The following TRPC5 variants were observed in gnomAD, a reference collection of about 807,000 sequenced individuals.
TRPC5 encodes transient receptor potential cation channel subfamily C member 5, also known as short transient receptor potential channel 5.
A neutral mutation model predicts 56.5 loss-of-function variants in TRPC5; 9 were observed. That is an observed-to-expected ratio of 0.16 (90% CI 0.10 to 0.28). TRPC5 has a LOEUF of 0.28. Ranked by LOEUF, TRPC5 falls within the 10% of genes least tolerant of loss-of-function variation. TRPC5 has a pLI of 1.00. For synonymous variants in TRPC5, 282 were observed against 278.5 expected (o/e 1.01, Z -0.13); for missense variants, 469 against 748.9 (o/e 0.63, Z 4.36).
At chrX:112,073,034 C>T (rs973700178) in intron 1 of TRPC5, among the ~76,000 whole-genome samples, 28 of 111,582 alleles carry the variant, frequency 2.5e-4, no homozygotes, top group Non-Finnish European at 4.7e-4. Flanking sequence ...ATATTTCATA[C>T]TTTATAATGC....
rs1366514662 is a variant in TRPC5, at chrX:112,062,204, G to C, written c.-22+19675C>G. Among the ~76,000 whole-genome samples the C allele has an allele frequency of 2.7e-5, 3 of 111,752 alleles. No homozygotes were observed. In the Admixed American group the frequency reaches 2.9e-4, roughly 11 times the overall value. ...CAGGATTTCTGACTGGAAATATGCTGTTATAAAAATAATTAAAATACATTT... is the reference window on the plus strand; with the variant it reads ...CAGGATTTCTGACTGGAAATATGCTCTTATAAAAATAATTAAAATACATTT... On this transcript the variant is annotated intron_variant, in intron 1 of 10. Coordinates refer to ENST00000262839, the MANE Select transcript of TRPC5 (RefSeq NM_012471.3).
At chrX:111,933,496 C>T (rs1371251869) in intron 2 of TRPC5, among the ~76,000 whole-genome samples, 1 of 110,472 alleles carries the variant, frequency 9.1e-6, no homozygotes, top group East Asian at 2.8e-4. Flanking sequence ...CTATATATAA[C>T]CCTGATGCAT....
At chrX:112,034,703 G>A (rs1929683016) in intron 1 of TRPC5, among the ~76,000 whole-genome samples, 1 of 109,739 alleles carries the variant, frequency 9.1e-6, no homozygotes, top group South Asian at 3.8e-4. Flanking sequence ...TTGGTAATTT[G>A]TGTGTTTCCA....
At chrX:112,006,913 A>G (rs938397455) in intron 1 of TRPC5, among the ~76,000 whole-genome samples, 2 of 111,753 alleles carry the variant, frequency 1.8e-5, no homozygotes, top group Non-Finnish European at 3.8e-5. Flanking sequence ...AAGAAAAAAA[A>G]ATTAGGACTT....
chrX:111,916,770 A>G (rs1275091312), intron 2 of TRPC5, among the ~76,000 whole-genome samples: 1 of 112,556 alleles, frequency 8.9e-6, no homozygotes, highest in Admixed American at 9.4e-5. Flanking sequence ...ATTTGGGGGT[A>G]GAAGCTCTTA....
chrX:111,840,076 A>G (rs907821527), intron 6 of TRPC5, among the ~76,000 whole-genome samples: 1 of 112,474 alleles, frequency 8.9e-6, no homozygotes, highest in Non-Finnish European at 1.9e-5. Context: ...AGGTTGAGGC[A>G]GGAGAATGGT....
At chrX:111,900,097 A>G (rs192397155) in intron 3 of TRPC5, among the ~76,000 whole-genome samples, 1 of 111,878 alleles carries the variant, frequency 8.9e-6, no homozygotes, top group Non-Finnish European at 1.9e-5. Flanking sequence ...AAGACCAGCA[A>G]GCTGTATGTG....
intron 7 of TRPC5, among the ~76,000 whole-genome samples, chrX:111,787,550 T>A (rs1264189804): frequency 1.1e-5 from 1 of 94,281 alleles, no homozygotes; most frequent in Non-Finnish European, 2.1e-5. Flanking sequence ...AAGAAATAAC[T>A]AAGATCAGAG....
At chrX:112,006,045 G>A (rs1362846204) in intron 1 of TRPC5, among the ~76,000 whole-genome samples, 1 of 111,607 alleles carries the variant, frequency 9.0e-6, no homozygotes, top group Admixed American at 9.5e-5. Context: ...AACCCAGTTG[G>A]CAAATGTGCT....
chrX:111,780,508 G>A (rs550655052), intron 9 of TRPC5, among the ~76,000 whole-genome samples: 1 of 110,199 alleles, frequency 9.1e-6, no homozygotes, highest in South Asian at 3.9e-4. Flanking sequence ...TCATCCCTTG[G>A]TATACTCTGG....
intron 1 of TRPC5, among the ~76,000 whole-genome samples, chrX:111,972,163 C>T (rs2148648956): frequency 8.9e-6 from 1 of 111,968 alleles, no homozygotes; most frequent in Admixed American, 9.5e-5. Flanking sequence ...GCCCTTCTGC[C>T]ACCATGTTCC....
At chrX:111,854,578 C>A (rs1473820218) in intron 3 of TRPC5, among the ~76,000 whole-genome samples, 1 of 111,555 alleles carries the variant, frequency 9.0e-6, no homozygotes, top group African/African-American at 3.3e-5. Flanking sequence ...TGCCTTTTAG[C>A]AGAGAATCAT....
intron 1 of TRPC5, among the ~76,000 whole-genome samples, chrX:111,964,235 C>T (rs778539367): frequency 1.0e-3 from 110 of 110,394 alleles, no homozygotes; most frequent in Non-Finnish European, 1.8e-3. Context: ...TGATGGAAGA[C>T]GAAATGAATG....
intron 1 of TRPC5, among the ~76,000 whole-genome samples, chrX:112,046,014 G>A (rs1930009563): frequency 9.1e-6 from 1 of 110,402 alleles, no homozygotes; most frequent in Non-Finnish European, 1.9e-5. Context: ...AGGAGTTACT[G>A]GCACCTAGTC....
intron 1 of TRPC5, among the ~76,000 whole-genome samples, chrX:112,041,185 G>A (rs193288344): frequency 1.8e-5 from 2 of 112,120 alleles, no homozygotes; most frequent in African/African-American, 6.5e-5. Flanking sequence ...TAGGAATTTG[G>A]GGGTGGCAGG....
At chrX:111,787,185 A>C (rs758898734) in intron 7 of TRPC5, among the ~76,000 whole-genome samples, 1 of 112,197 alleles carries the variant, frequency 8.9e-6, no homozygotes, top group Admixed American at 9.5e-5. Flanking sequence ...ATGTAAAAGA[A>C]CAGAAATCAC....
chrX:111,938,874 T>G (rs754582295), intron 2 of TRPC5, among the ~76,000 whole-genome samples: 2 of 112,332 alleles, frequency 1.8e-5, no homozygotes, highest in Non-Finnish European at 3.8e-5. Flanking sequence ...TTTGACTTCT[T>G]TGTTTCCAAT....
chrX:111,955,485 T>G (rs142030396), intron 1 of TRPC5, among the ~76,000 whole-genome samples: 1,883 of 112,076 alleles, frequency 0.017, 40 homozygotes, highest in African/African-American at 0.057. Context: ...TATCCAGCCT[T>G]GGAAAACTCT....
At chrX:111,930,480 A>G (rs2148627965) in intron 2 of TRPC5, among the ~76,000 whole-genome samples, 1 of 111,023 alleles carries the variant, frequency 9.0e-6, no homozygotes, top group African/African-American at 3.3e-5. Context: ...GCAGGCCTGT[A>G]ATCCCAGCGA....
Sources: gnomAD v4.1 joint callset for allele counts (sites outside exome capture counted in the v4.1 genomes callset) on GRCh38, gnomAD v4.1.1 for gene constraint, MANE v1.5 for transcripts, NCBI Gene and HGNC (gene_info 2026-07-23, HGNC 2026-07-21) for gene names.